Variants in KCNIP4 observed in about 807,000 individuals in gnomAD.
The protein encoded by KCNIP4 is Kv channel-interacting protein 4.
A neutral mutation model predicts 34.0 loss-of-function variants in KCNIP4; 12 were observed. That is an observed-to-expected ratio of 0.35 (90% CI 0.23 to 0.57). KCNIP4 has a LOEUF of 0.57. Among genes scored for constraint, KCNIP4 ranks in the 20% least tolerant of loss-of-function variants. The probability of loss-of-function intolerance (pLI) is 0.83; values close to 1 mark genes in which losing one functional copy is unlikely to be tolerated. For synonymous variants in KCNIP4, 124 were observed against 102.2 expected (o/e 1.21, Z -1.29); for missense variants, 238 against 311.7 (o/e 0.76, Z 1.78).
intron 1 of KCNIP4, among the ~76,000 whole-genome samples, chr4:20,954,877 C>T (rs747857915): frequency 4.6e-5 from 7 of 152,178 alleles, no homozygotes; most frequent in South Asian, 2.1e-4. Flanking sequence ...CCACCCTCTT[C>T]GATTTCTGGG....
At chr4:21,924,320 C>T (rs969613354) in intron 1 of KCNIP4, among the ~76,000 whole-genome samples, 5 of 150,192 alleles carry the variant, frequency 3.3e-5, no homozygotes, top group Admixed American at 1.3e-4. Flanking sequence ...CTCGGCTCAC[C>T]GCAAGCTCTG....
intron 1 of KCNIP4, among the ~76,000 whole-genome samples, chr4:21,821,920 C>G (rs1456009774): frequency 1.3e-5 from 2 of 152,140 alleles, no homozygotes; most frequent in Non-Finnish European, 2.9e-5. Context: ...TCTTTTCTAA[C>G]TCACATTTTT....
At chr4:21,147,939 C>CA (rs377562727) in intron 1 of KCNIP4, among the ~76,000 whole-genome samples, 600 of 30,914 alleles carry the variant, frequency 0.019, 15 homozygotes, top group African/African-American at 0.041. Context: ...AACTCCGTCT[C>CA]AAAAAAAAAA....
chr4:21,000,615 G>A (rs139104444), intron 1 of KCNIP4, among the ~76,000 whole-genome samples: 1 of 152,152 alleles, frequency 6.6e-6, no homozygotes, highest in East Asian at 1.9e-4. Context: ...AACCCGGGAG[G>A]TGGAGGTTGC....
chr4:21,122,719 C>T (rs1750271897), intron 1 of KCNIP4, among the ~76,000 whole-genome samples: 2 of 152,116 alleles, frequency 1.3e-5, no homozygotes. Flanking sequence ...GTGAGAAGGG[C>T]ACACATGTGA....
intron 1 of KCNIP4, among the ~76,000 whole-genome samples, chr4:21,635,919 G>A (rs1462464705): frequency 6.6e-6 from 1 of 151,820 alleles, no homozygotes; most frequent in Non-Finnish European, 1.5e-5. Flanking sequence ...ACTGGATTAA[G>A]AAAATGTGGC....
chr4:21,785,574 AGAGT>A (rs1343055418), intron 1 of KCNIP4, among the ~76,000 whole-genome samples: 1 of 135,006 alleles, frequency 7.4e-6, no homozygotes, highest in Non-Finnish European at 1.5e-5. Context: ...CCTGGGTCAA[AGAGT>A]GAGATTCCAT....
chr4:21,050,327 A>G (rs777861792), intron 1 of KCNIP4, among the ~76,000 whole-genome samples: 1 of 152,122 alleles, frequency 6.6e-6, no homozygotes, highest in Non-Finnish European at 1.5e-5. Context: ...CTGTAGTTTG[A>G]CTCTAATTAA....
intron 4 of KCNIP4, among the ~76,000 whole-genome samples, chr4:20,758,507 A>G (rs1433647828): frequency 6.6e-6 from 1 of 152,170 alleles, no homozygotes; most frequent in Non-Finnish European, 1.5e-5. Flanking sequence ...GAGACCTACA[A>G]TGCATGTGAA....
chr4:21,394,336 C>G (rs1722799999), intron 1 of KCNIP4, among the ~76,000 whole-genome samples: 2 of 152,176 alleles, frequency 1.3e-5, no homozygotes, highest in South Asian at 4.1e-4. Context: ...ACAGTCTACC[C>G]TCTACTTCTT....
intron 1 of KCNIP4, among the ~76,000 whole-genome samples, chr4:21,865,078 TCTC>T (rs1040938607): frequency 6.6e-6 from 1 of 151,210 alleles, no homozygotes; most frequent in Admixed American, 6.6e-5. Context: ...GAATATTGCC[TCTC>T]TTTTTTTTTC....
At chr4:21,057,641 T>A (rs1743539326) in intron 1 of KCNIP4, among the ~76,000 whole-genome samples, 1 of 152,320 alleles carries the variant, frequency 6.6e-6, no homozygotes, top group Admixed American at 6.5e-5. Context: ...TGAAATTGAC[T>A]TTAAATTCTT....
At chr4:21,304,260 C>A (rs955996758) in intron 1 of KCNIP4, among the ~76,000 whole-genome samples, 1 of 152,164 alleles carries the variant, frequency 6.6e-6, no homozygotes, top group African/African-American at 2.4e-5. Flanking sequence ...TCGGGCCTGT[C>A]GGAATTATCG....
At chr4:21,046,582 T>A (rs1286990504) in intron 1 of KCNIP4, among the ~76,000 whole-genome samples, 1 of 149,942 alleles carries the variant, frequency 6.7e-6, no homozygotes, top group Non-Finnish European at 1.5e-5. Flanking sequence ...CTAGCTAATT[T>A]ATTTATTTAT....
Position 21,519,596 on chromosome 4 carries a change from A to ATGTGTATATACACATGTGTGTATGTGTG in KCNIP4, c.61+428974_61+428975insCACACATACACACATGTGTATATACACA, listed in dbSNP as rs1735239907. Among the ~76,000 whole-genome samples, 4 of 20,508 alleles carry ATGTGTATATACACATGTGTGTATGTGTG rather than the reference A, an allele frequency of 2.0e-4. 1 individual carries two copies. The highest frequency in any genetic ancestry group is 6.2e-4 in the Admixed American group (1 of 1,608). 13.5% of individuals were successfully genotyped at this position (20,508 alleles called of 152,430 possible). A position where few individuals can be genotyped will look rare whatever the true frequency, so the allele number is the denominator to read the frequency against. ...CACATATGTGTGTGTATGTATGTGT[A>ATGTGTATATACACATGTGTGTATGTGTG]TATATACACATATGTGTGTGTATGT... is the stretch of plus-strand genomic sequence containing the variant. On this transcript the variant is annotated intron_variant, in intron 1 of 8. Transcript: ENST00000382152.
intron 3 of KCNIP4, among the ~76,000 whole-genome samples, chr4:20,785,877 G>A (rs1711916567): frequency 6.6e-6 from 1 of 151,966 alleles, no homozygotes; most frequent in South Asian, 2.1e-4. Context: ...AGCCACTGTG[G>A]AGAGCAACAT....
At chr4:21,897,813 A>G (rs1727483646) in intron 1 of KCNIP4, among the ~76,000 whole-genome samples, 1 of 152,202 alleles carries the variant, frequency 6.6e-6, no homozygotes, top group Non-Finnish European at 1.5e-5. Flanking sequence ...TCAGGTAGGC[A>G]TTCGCAGCAC....
At chr4:20,798,767 C>T (rs1713836866) in intron 3 of KCNIP4, among the ~76,000 whole-genome samples, 1 of 152,112 alleles carries the variant, frequency 6.6e-6, no homozygotes, top group Non-Finnish European at 1.5e-5. Context: ...AAAGACGACC[C>T]CAGCAATTCT....
intron 1 of KCNIP4, among the ~76,000 whole-genome samples, chr4:21,398,014 T>C (rs1004655882): frequency 6.6e-6 from 1 of 152,178 alleles, no homozygotes; most frequent in African/African-American, 2.4e-5. Flanking sequence ...CAGAGATGAC[T>C]TGGGGACATA....
Sources: gnomAD v4.1 joint callset for allele counts (sites outside exome capture counted in the v4.1 genomes callset) on GRCh38, gnomAD v4.1.1 for gene constraint, MANE v1.5 for transcripts, NCBI Gene and HGNC (gene_info 2026-07-23, HGNC 2026-07-21) for gene names.